EVI2B: variants seen among roughly 807,000 people sequenced by gnomAD.
EVI2B encodes ecotropic viral integration site 2B.
In EVI2B, 4 loss-of-function variants were observed where a neutral mutation model predicts 6.6. That is an observed-to-expected ratio of 0.61 (90% confidence interval 0.30 to 1.39). EVI2B has a LOEUF of 1.39. EVI2B is among the 40% of genes most tolerant of loss of function. The pLI is 0.08. For missense variants in EVI2B, 484 were observed against 516.6 expected (o/e 0.94, Z 0.61); for synonymous variants, 181 against 186.8 (o/e 0.97, Z 0.25).
chr17:31,307,334 G>A (rs2068751879), intron 1 of EVI2B, among the ~76,000 whole-genome samples: 1 of 152,172 alleles, frequency 6.6e-6, no homozygotes, highest in African/African-American at 2.4e-5. Context: ...ACAATAATTT[G>A]ATAAGCTTTC....
In EVI2B at chr17:31,305,309, G is replaced by A. The variant is rs748756060; in HGVS notation, c.301C>T (p.Pro101Ser). The change falls in exon 2 of 2, where the codon CCA (proline) becomes TCA (serine). Residue 101 changes from proline (P) to serine (S), a missense_variant. Transcript: ENST00000330927. ...KPEAHTSAGQ[P>S]LAYNTKQPTP... ...GGTTGTTTGGTGTTGTAGGCAAGTG[G>A]TTGTCCAGCAGAAGTATGTGCTTCT... is the stretch of plus-strand genomic sequence containing the variant. The A allele has an allele frequency of 1.2e-4, 197 of 1,614,032 alleles. No individual in the cohort carries two copies. The highest frequency in any genetic ancestry group is 1.4e-4 in the Non-Finnish European group (170 of 1,180,038).
intron 1 of EVI2B, chr17:31,307,889 T>C (rs953433855): frequency 8.5e-6 from 11 of 1,289,032 alleles, no homozygotes; most frequent in African/African-American, 1.5e-5. Context: ...CAAATTACCT[T>C]TTCAGCATAT....
At chr17:31,306,798 A>T (rs7210604) in intron 1 of EVI2B, among the ~76,000 whole-genome samples, 69,810 of 143,994 alleles carry the variant, frequency 0.48, 20,024 homozygotes, top group African/African-American at 0.83. Flanking sequence ...TTAGGAGATT[A>T]AAAAAAAAAA....
intron 1 of EVI2B, among the ~76,000 whole-genome samples, chr17:31,312,617 T>C (rs1051524729): frequency 5.3e-5 from 8 of 151,352 alleles, no homozygotes; most frequent in Non-Finnish European, 1.0e-4. Flanking sequence ...GTGAAAAAAA[T>C]TTAATATAAT....
rs1410711110 is a variant in EVI2B, at chr17:31,304,762, A to C, written c.848T>G (p.Leu283Ter). Residue 283 changes from leucine to a stop codon, truncating the protein, a stop_gained, in exon 2 of 2, where the codon TTA becomes TGA. Transcript: ENST00000330927. LOFTEE classifies it high-confidence loss of function. ...TPWKPSKSTL[L>*]ADDLEIKLFE... ...CAACTTAATTTCTAAGTCATCTGCT[A>C]AAAGTGTGCTTTTGCTTGGTTTCCA... The C allele has an allele frequency of 6.2e-7, 1 of 1,614,178 alleles. No homozygotes were observed. The highest frequency in any genetic ancestry group is 8.5e-7 in the Non-Finnish European group (1 of 1,180,030).
Position 31,304,854 on chromosome 17 carries a change from A to G in EVI2B, c.756T>C (p.Ile252=), listed in dbSNP as rs757126694. 6 of 1,614,088 alleles carry G rather than the reference A, an allele frequency of 3.7e-6. No homozygotes were observed. In the Admixed American group the frequency reaches 1.0e-4, roughly 27 times the overall value. The change falls in exon 2 of 2, where the codon ATT becomes ATC. Residue 252 remains isoleucine, a synonymous_variant. Transcript: ENST00000330927. ...CATTTTCTCTGATGTTATCCATACAAATGTCAGGGGTTTCTCCATCAGCAA... is the reference window on the plus strand; with the variant it reads ...CATTTTCTCTGATGTTATCCATACAGATGTCAGGGGTTTCTCCATCAGCAA... The part of the protein sequence containing the change: ...SPFADGETPD[I]CMDNIRENEI...
intron 1 of EVI2B, among the ~76,000 whole-genome samples, chr17:31,313,707 A>G (rs2151520211): frequency 8.0e-6 from 1 of 125,738 alleles, no homozygotes; most frequent in Non-Finnish European, 1.7e-5. Context: ...CTCTATCTCA[A>G]AAAAAAAAAA....
At position 31,305,385 on chromosome 17, in the gene EVI2B, T is replaced by C. The variant is rs371540689; in HGVS notation, c.225A>G (p.Lys75=). The C allele has an allele frequency of 5.6e-6, 9 of 1,614,096 alleles. No homozygotes were observed. Among genetic ancestry groups the C allele is most frequent in the Middle Eastern group, 1.6e-4 (1 of 6,084 alleles). ...TFSGQSISPA[K]VTAGQPTPAV... ...CTGGTGTTGGTTGTCCAGCAGTGAC[T>C]TTGGCAGGTGATATTGATTGTCCAG... The change falls in exon 2 of 2, where the codon AAA becomes AAG. Residue 75 remains lysine (K), a synonymous_variant. Transcript: ENST00000330927.
Position 31,304,498 on chromosome 17 carries a change from G to A in EVI2B, c.1112C>T (p.Thr371Ile). The A allele has an allele frequency of 6.2e-7, 1 of 1,614,172 alleles. No individual in the cohort carries two copies. Among genetic ancestry groups the A allele is most frequent in the Non-Finnish European group, 8.5e-7 (1 of 1,180,016 alleles). Residue 371 changes from threonine to isoleucine, a missense_variant, in exon 2 of 2, where the codon ACT becomes ATT. Thr to Ile is a moderately conservative substitution (Grantham distance 89). Coordinates refer to ENST00000330927, the MANE Select transcript of EVI2B (RefSeq NM_006495.4). The part of the protein sequence containing the change: ...TIVSPLPNDS[T>I]SLPPSLDCLN... ...ACAGTCCAGAGATGGAGGGAGACTAGTAGAATCATTTGGAAGAGGAGATAC... is the reference window on the plus strand; with the variant it reads ...ACAGTCCAGAGATGGAGGGAGACTAATAGAATCATTTGGAAGAGGAGATAC...
At chr17:31,305,707 T>C in intron 1 of EVI2B, 77 bp from the exon 2 acceptor site, 1 of 1,254,270 alleles carries the variant, frequency 8.0e-7, no homozygotes, top group South Asian at 1.5e-5. Context: ...CTTTTCATTA[T>C]GATTCCTGGC....
chr17:31,307,781 A>G, intron 1 of EVI2B: 1 of 687,164 alleles, frequency 1.5e-6, no homozygotes, highest in Non-Finnish European at 2.2e-6. Context: ...AGGGTGTTAG[A>G]TATTGGTATA....
At chr17:31,306,256 A>G (rs1286263070) in intron 1 of EVI2B, among the ~76,000 whole-genome samples, 2 of 151,694 alleles carry the variant, frequency 1.3e-5, no homozygotes, top group Admixed American at 1.3e-4. Flanking sequence ...ACCCTTACCT[A>G]CTTTTCTTTG....
rs764975298 is a variant in EVI2B at position 31,304,497 on chromosome 17, A to T, written c.1113T>A (p.Thr371=). ...TIVSPLPNDS[T]SLPPSLDCLN... ...GACAGTCCAGAGATGGAGGGAGACT[A>T]GTAGAATCATTTGGAAGAGGAGATA... Residue 371 remains threonine (T), a synonymous_variant, in exon 2 of 2, where the codon ACT becomes ACA. Transcript: ENST00000330927. The T allele has an allele frequency of 6.2e-7, 1 of 1,614,176 alleles. No individual in the cohort carries two copies. Among genetic ancestry groups the T allele is most frequent in the South Asian group, 1.1e-5 (1 of 91,074 alleles).
At chr17:31,307,963 T>C in intron 1 of EVI2B, 1 of 1,263,240 alleles carries the variant, frequency 7.9e-7, no homozygotes, top group South Asian at 1.2e-5. Flanking sequence ...AATGGCCCTG[T>C]TTTAGTAGAA....
chr17:31,310,414 G>A (rs990945062), intron 1 of EVI2B, among the ~76,000 whole-genome samples: 2 of 151,658 alleles, frequency 1.3e-5, no homozygotes, highest in African/African-American at 2.4e-5. Context: ...GATTGAAGTA[G>A]GCAAAATGAA....
Position 31,304,804 on chromosome 17 carries a change from A to G in EVI2B, c.806T>C (p.Ile269Thr). 6.2e-7 allele frequency: 1 copy of G among 1,614,020 alleles called. No homozygotes were observed. Among genetic ancestry groups the G allele is most frequent in the Non-Finnish European group, 8.5e-7 (1 of 1,180,008 alleles). Reference sequence around the variant, plus strand: ...TGGTTTCCAGGGTGTAAGTGAAATGATTGATGTACGTTTTGTGGATATTTC... The same window carrying G: ...TGGTTTCCAGGGTGTAAGTGAAATGGTTGATGTACGTTTTGTGGATATTTC... ...ENEISTKRTS[I>T]ISLTPWKPSK... Residue 269 changes from isoleucine to threonine, a missense_variant, in exon 2 of 2, where the codon ATC becomes ACC. By Grantham distance (89) the Ile-to-Thr change is moderately conservative. Coordinates refer to ENST00000330927, the MANE Select transcript of EVI2B (RefSeq NM_006495.4).
rs1267163540 is a variant in EVI2B, at chr17:31,305,186, A to T, written c.424T>A (p.Phe142Ile). 1 of 1,614,138 alleles carries T rather than the reference A, an allele frequency of 6.2e-7. No homozygotes were observed. Among genetic ancestry groups the T allele is most frequent in the African/African-American group, 1.3e-5 (1 of 75,022 alleles). ...RTSTTQPPKS[F>I]VYTFTQQSSS... Reference sequence around the variant, plus strand: ...GATTGTTGAGTAAAAGTATAGACAAATGACTTTGGTGGTTGTGTGGTAGAA... The same window carrying T: ...GATTGTTGAGTAAAAGTATAGACAATTGACTTTGGTGGTTGTGTGGTAGAA... Residue 142 changes from phenylalanine (F) to isoleucine (I), a missense_variant, in exon 2 of 2, where the codon TTT becomes ATT. By Grantham distance (21) the Phe-to-Ile change is conservative. Transcript: ENST00000330927.
At chr17:31,312,844 A>G (rs1395457647) in intron 1 of EVI2B, among the ~76,000 whole-genome samples, 6 of 144,680 alleles carry the variant, frequency 4.1e-5, no homozygotes, top group South Asian at 2.3e-4. Context: ...TTACAAGTCT[A>G]TGTAAAATAC....
In EVI2B at chr17:31,305,481, C is replaced by T; in HGVS notation, c.129G>A (p.Gln43=). 1.2e-6 allele frequency: 2 copies of T among 1,614,106 alleles called. No homozygotes were observed. The highest frequency in any genetic ancestry group is 1.7e-6 in the Non-Finnish European group (2 of 1,180,034). ...TTGTGTTTTGAGAATTAGCCAATACCTGTGACATTGATGATGTGAATAAGG... is the reference window on the plus strand; with the variant it reads ...TTGTGTTTTGAGAATTAGCCAATACTTGTGACATTGATGATGTGAATAAGG... ...QPTLFTSSMS[Q]VLANSQNTTG... Residue 43 remains glutamine (Q), a synonymous_variant, in exon 2 of 2, where the codon CAG becomes CAA. Transcript: ENST00000330927.
Sources: allele counts gnomAD v4.1 joint callset (sites outside exome capture counted in the v4.1 genomes callset), GRCh38; gene constraint gnomAD v4.1.1; transcripts MANE v1.5; gene names NCBI Gene and HGNC (gene_info 2026-07-23, HGNC 2026-07-21).